FOCAD: variants seen among roughly 807,000 people sequenced by gnomAD.
FOCAD encodes KIAA1797.
A neutral mutation model predicts 225.6 loss-of-function variants in FOCAD; 198 were observed. That is an observed-to-expected ratio of 0.88 (90% confidence interval 0.78 to 0.99). The LOEUF (loss-of-function observed/expected upper bound fraction) is 0.99. Ranked by LOEUF, FOCAD falls within the 50% of genes least tolerant of loss-of-function variation. The probability of loss-of-function intolerance (pLI) is 0.00; values close to 1 mark genes in which losing one functional copy is unlikely to be tolerated. For missense variants in FOCAD, 2,713 were observed against 2,123.6 expected (o/e 1.28, Z -5.46); for synonymous variants, 897 against 755.0 (o/e 1.19, Z -3.08).
At chr9:20,695,087 A>G (rs1041833392) in intron 1 of FOCAD, among the ~76,000 whole-genome samples, 1 of 152,124 alleles carries the variant, frequency 6.6e-6, no homozygotes, top group African/African-American at 2.4e-5. Context: ...GACTTGATCT[A>G]TTGCTCTGCA....
intron 11 of FOCAD, among the ~76,000 whole-genome samples, chr9:20,818,588 C>G (rs1049726252): frequency 6.6e-6 from 1 of 151,942 alleles, no homozygotes; most frequent in Non-Finnish European, 1.5e-5. Context: ...TGTGGATATA[C>G]AGTTGTTGAA....
chr9:20,892,509 C>T (rs10811423), intron 21 of FOCAD, among the ~76,000 whole-genome samples: 82,356 of 151,744 alleles, frequency 0.54, 23,041 homozygotes, highest in East Asian at 0.67. Flanking sequence ...TTCAAGATTT[C>T]GGTGGAGGAA....
intron 15 of FOCAD, among the ~76,000 whole-genome samples, chr9:20,855,895 T>C (rs11788043): frequency 0.38 from 57,453 of 150,798 alleles, 11,248 homozygotes; most frequent in East Asian, 0.47. Flanking sequence ...TCCAGTTCCA[T>C]CTATGTTGTT....
At chr9:20,947,520 T>C (rs1837294146) in intron 30 of FOCAD, among the ~76,000 whole-genome samples, 1 of 152,136 alleles carries the variant, frequency 6.6e-6, no homozygotes, top group African/African-American at 2.4e-5. Flanking sequence ...AGTTACTGTT[T>C]AGTGGGTAAA....
chr9:20,747,563 A>T (rs1828155817), intron 5 of FOCAD, among the ~76,000 whole-genome samples: 1 of 152,068 alleles, frequency 6.6e-6, no homozygotes, highest in South Asian at 2.1e-4. Context: ...TCACCCCAAA[A>T]AGAAACCTCA....
chr9:20,886,754 A>G (rs1401404382), intron 21 of FOCAD, among the ~76,000 whole-genome samples: 1 of 152,222 alleles, frequency 6.6e-6, no homozygotes, highest in Non-Finnish European at 1.5e-5. Flanking sequence ...TATTCTGCTC[A>G]GTATATGTAG....
intron 11 of FOCAD, among the ~76,000 whole-genome samples, chr9:20,813,244 T>C (rs1455650802): frequency 6.6e-6 from 1 of 152,212 alleles, no homozygotes; most frequent in Non-Finnish European, 1.5e-5. Context: ...TACCACACTG[T>C]GTTTATCCAT....
intron 2 of FOCAD, among the ~76,000 whole-genome samples, chr9:20,678,862 C>T (rs1032596715): frequency 1.3e-5 from 2 of 152,164 alleles, no homozygotes; most frequent in Non-Finnish European, 2.9e-5. Flanking sequence ...CTGCCCATAC[C>T]TCTGTTTATA....
chr9:20,670,785 C>T (rs1426868939), intron 2 of FOCAD, among the ~76,000 whole-genome samples: 5 of 152,082 alleles, frequency 3.3e-5, no homozygotes, highest in Non-Finnish European at 4.4e-5. Context: ...AGTTGGTTAA[C>T]GTCTGAAATT....
rs758504282 is a variant in FOCAD, at chr9:20,745,265, G to T, written c.392+4925G>T. Among the ~76,000 whole-genome samples, 2 of 151,856 alleles carry T rather than the reference G, an allele frequency of 1.3e-5. 1 individual carries two copies. The highest frequency in any genetic ancestry group is 6.8e-3 in the Middle Eastern group (2 of 294). On this transcript the variant is annotated intron_variant, in intron 5 of 43. Coordinates refer to ENST00000338382, the MANE Select transcript of FOCAD (RefSeq NM_001375567.1). ...GCTGGGACTACAGGTGCGACACTACGCCCTGCTAATTTTTTGTAGAGGCAG... is the reference window on the plus strand; with the variant it reads ...GCTGGGACTACAGGTGCGACACTACTCCCTGCTAATTTTTTGTAGAGGCAG...
chr9:20,766,990 A>G (rs948859969), intron 7 of FOCAD, among the ~76,000 whole-genome samples: 1 of 149,804 alleles, frequency 6.7e-6, no homozygotes, highest in Non-Finnish European at 1.5e-5. Flanking sequence ...CCACCCCACC[A>G]CAGTCCCCAG....
chr9:20,860,163 A>G (rs905030786), intron 15 of FOCAD, among the ~76,000 whole-genome samples: 1 of 152,176 alleles, frequency 6.6e-6, no homozygotes, highest in Non-Finnish European at 1.5e-5. Context: ...TTATATAACT[A>G]TAATACAGTT....
chr9:20,936,288 A>G (rs572302877), intron 28 of FOCAD, among the ~76,000 whole-genome samples: 2 of 152,334 alleles, frequency 1.3e-5, no homozygotes, highest in East Asian at 3.8e-4. Context: ...GGCCTTTAGG[A>G]ACTTATGATT....
At chr9:20,900,966 G>A (rs948992120) in intron 21 of FOCAD, among the ~76,000 whole-genome samples, 7 of 151,726 alleles carry the variant, frequency 4.6e-5, no homozygotes, top group African/African-American at 9.7e-5. Context: ...AAAACACCTA[G>A]GAAGAGATGA....
chr9:20,995,529 A>G, intron 43 of FOCAD, 27 bp from the exon 44 acceptor site: 1 of 1,588,568 alleles, frequency 6.3e-7, no homozygotes, highest in South Asian at 1.1e-5. Flanking sequence ...TTTCAAATGC[A>G]GCCATACCTA....
At chr9:20,986,265 A>ATTTTTTTTTTTTTTTTTTTTTTTTT in intron 39 of FOCAD, 23 bp from the exon 40 acceptor site, 2 of 457,018 alleles carry the variant, frequency 4.4e-6, no homozygotes, top group Non-Finnish European at 2.9e-6. Flanking sequence ...GTAACTAAAC[A>ATTTTTTTTTTTTTTTTTTTTTTTTT]ATTTTTTTTT....
intron 21 of FOCAD, among the ~76,000 whole-genome samples, chr9:20,898,560 G>A (rs961350203): frequency 2.6e-5 from 4 of 151,656 alleles, no homozygotes; most frequent in South Asian, 2.1e-4. Flanking sequence ...CATGCTTTTC[G>A]TCTCTAGCAT....
chr9:20,874,487 A>G, intron 18 of FOCAD, 194 bp from the exon 19 acceptor site: 1 of 533,984 alleles, frequency 1.9e-6, no homozygotes. Context: ...TAATAAGATG[A>G]CTAGAGTCAT....
intron 28 of FOCAD, among the ~76,000 whole-genome samples, chr9:20,939,987 G>C (rs772193851): frequency 1.8e-4 from 27 of 148,410 alleles, no homozygotes; most frequent in Non-Finnish European, 3.6e-4. Flanking sequence ...CCACCTATGA[G>C]TGAGAACATG....
Sources: allele counts gnomAD v4.1 joint callset (sites outside exome capture counted in the v4.1 genomes callset), GRCh38; gene constraint gnomAD v4.1.1; transcripts MANE v1.5; gene names NCBI Gene and HGNC (gene_info 2026-07-23, HGNC 2026-07-21).